The following COL21A1 variants were observed in gnomAD, a reference collection of about 807,000 sequenced individuals.
The protein encoded by COL21A1 is collagen type XXI alpha 1 chain, also known as collagen alpha-1(XXI) chain.
A neutral mutation model predicts 137.9 loss-of-function variants in COL21A1; 149 were observed. The observed-to-expected ratio is 1.08, with a 90% CI of 0.95 to 1.24. The LOEUF is 1.24. Ranked by LOEUF, COL21A1 falls within the 50% of genes most tolerant of loss-of-function variation. The probability of loss-of-function intolerance (pLI) is 0.00; values close to 1 mark genes in which losing one functional copy is unlikely to be tolerated. For missense variants in COL21A1, 1,167 were observed against 1,158.4 expected, an observed-to-expected ratio of 1.01 and a Z score of -0.11; for synonymous variants, 456 against 391.5, an observed-to-expected ratio of 1.16 and a Z score of -1.95.
At chr6:56,191,647 T>C (rs1011605971) in intron 1 of COL21A1, among the ~76,000 whole-genome samples, 1 of 148,288 alleles carries the variant, frequency 6.7e-6, no homozygotes, top group Non-Finnish European at 1.5e-5. Context: ...CCATTCACTA[T>C]TGCTACAAAG....
intron 17 of COL21A1, among the ~76,000 whole-genome samples, chr6:56,098,699 A>T (rs1298886581): frequency 1.2e-5 from 1 of 85,362 alleles, no homozygotes. Context: ...ATATATAAAT[A>T]TATATATAAA....
At chr6:56,108,109 T>C (rs1265570057) in intron 16 of COL21A1, among the ~76,000 whole-genome samples, 1 of 151,822 alleles carries the variant, frequency 6.6e-6, no homozygotes. Context: ...ACCACTAAAA[T>C]AAAAATATAA....
Position 56,057,668 on chromosome 6 carries a change from G to C in COL21A1, c.2863C>G (p.Pro955Ala). The change falls in exon 30 of 30, where the codon CCA becomes GCA. Residue 955 changes from proline (P) to alanine (A), a missense_variant. Coordinates refer to ENST00000244728, the MANE Select transcript of COL21A1 (RefSeq NM_030820.4). Reference protein sequence around the residue: ...IARRDPFRKGPNY With the variant: ...IARRDPFRKGANY ...TGAGGCATCAGACACTAATAGTTTG[G>C]TCCTTTTCTGAACGGATCTCTTCTG... 1 of 1,612,962 alleles carries C rather than the reference G, an allele frequency of 6.2e-7. No homozygotes were observed. Among genetic ancestry groups the C allele is most frequent in the Non-Finnish European group, 8.5e-7 (1 of 1,179,538 alleles).
chr6:56,297,598 T>G (rs1764191969), intron 1 of COL21A1, among the ~76,000 whole-genome samples: 1 of 152,182 alleles, frequency 6.6e-6, no homozygotes, highest in Non-Finnish European at 1.5e-5. Context: ...TTTGGCTTCA[T>G]GAGCAACTGG....
rs927314574 is a variant in COL21A1, at chr6:56,057,474, T to A, written c.*183A>T. The stretch of plus-strand genomic sequence containing the variant: ...ATGCTGCTAATCCAAGGGCTCCAAA[T>A]GACTGAGGAGCCTTTAAAATCAGTA... On this transcript the variant is annotated 3_prime_UTR_variant, in exon 30 of 30. Transcript: ENST00000244728. The A allele has an allele frequency of 2.0e-5, 12 of 613,822 alleles. No homozygotes were observed. Among genetic ancestry groups the A allele is most frequent in the Non-Finnish European group, 3.4e-5 (12 of 355,616 alleles). The allele number at this position is 613,822 out of a possible 1,614,324, so 38.0% of individuals were successfully genotyped here.
chr6:56,276,884 T>C lies in COL21A1; in HGVS notation c.-38-94228A>G, dbSNP rs576572464. The stretch of plus-strand genomic sequence containing the variant: ...AGTGCAGTGACGCGGTCCAGCTCAC[T>C]GCAAGCTCTGCCTCCCGGGTTCACG... On this transcript the variant is annotated intron_variant, in intron 1 of 28. Coordinates refer to the COL21A1 transcript ENST00000370819. 3.7e-4 allele frequency: 186 copies of C among 500,160 alleles called. No individual in the cohort carries two copies. In the East Asian group the frequency reaches 5.3e-3, roughly 14 times the overall value. 31.0% of individuals were successfully genotyped at this position (500,160 alleles called of 1,614,324 possible). A position where few individuals can be genotyped will look rare whatever the true frequency, so the allele number is the denominator to read the frequency against.
chr6:56,264,747 C>T (rs1341999234), intron 1 of COL21A1, among the ~76,000 whole-genome samples: 4 of 152,150 alleles, frequency 2.6e-5, no homozygotes, highest in Admixed American at 2.6e-4. Context: ...TTCTCCTGTA[C>T]ACCCTAAATT....
chr6:56,150,156 A>G (rs1402372621), intron 10 of COL21A1, among the ~76,000 whole-genome samples: 1 of 152,014 alleles, frequency 6.6e-6, no homozygotes, highest in Non-Finnish European at 1.5e-5. Flanking sequence ...TCATATTTCT[A>G]TGAGGTTTAA....
Position 56,064,995 on chromosome 6 carries a change from G to A in COL21A1, c.2128-373C>T, listed in dbSNP as rs189845802. On this transcript the variant is annotated intron_variant, in intron 23 of 29. Transcript: ENST00000244728. ...GCAATTATGTTCATTGTTGACTATGGACATGTGAGGACAAGAAGATCTCTT... is the reference window on the plus strand; with the variant it reads ...GCAATTATGTTCATTGTTGACTATGAACATGTGAGGACAAGAAGATCTCTT... Among the ~76,000 whole-genome samples, 70 of 151,922 alleles carry A rather than the reference G, an allele frequency of 4.6e-4. 2 individuals are homozygous for A. The East Asian group carries it at 0.013, about 28-fold the overall frequency.
At chr6:56,313,264 G>A (rs1257174075) in intron 1 of COL21A1, among the ~76,000 whole-genome samples, 1 of 151,968 alleles carries the variant, frequency 6.6e-6, no homozygotes, top group African/African-American at 2.4e-5. Flanking sequence ...AAAAAGATAG[G>A]GATGGAGCAG....
At chr6:56,307,801 T>C (rs1243927569) in intron 1 of COL21A1, among the ~76,000 whole-genome samples, 1 of 152,116 alleles carries the variant, frequency 6.6e-6, no homozygotes, top group African/African-American at 2.4e-5. Flanking sequence ...AAATCACCCG[T>C]CTTCTGCGTC....
intron 1 of COL21A1, among the ~76,000 whole-genome samples, chr6:56,253,384 G>C (rs960842502): frequency 2.3e-4 from 35 of 152,264 alleles, no homozygotes; most frequent in Admixed American, 2.1e-3. Context: ...GCCAGTTAGA[G>C]GTCTCTCCAG....
chr6:56,116,438 T>G (rs1160152825), intron 16 of COL21A1, among the ~76,000 whole-genome samples: 2 of 139,032 alleles, frequency 1.4e-5, no homozygotes, highest in South Asian at 2.3e-4. Context: ...TACCCTAGTA[T>G]AGTATATCCA....
chr6:56,121,270 G>T (rs952414407), intron 16 of COL21A1, among the ~76,000 whole-genome samples: 3 of 151,784 alleles, frequency 2.0e-5, no homozygotes, highest in Non-Finnish European at 4.4e-5. Flanking sequence ...ATTCTTAAGA[G>T]CAAGAAGCCA....
At chr6:56,290,403 T>C (rs1764011131) in intron 1 of COL21A1, among the ~76,000 whole-genome samples, 1 of 151,710 alleles carries the variant, frequency 6.6e-6, no homozygotes, top group South Asian at 2.1e-4. Context: ...CATTGCCAAG[T>C]GTCCCCTCAG....
intron 16 of COL21A1, among the ~76,000 whole-genome samples, chr6:56,110,718 CTATT>C (rs1561874123): frequency 6.6e-6 from 1 of 151,852 alleles, no homozygotes; most frequent in Non-Finnish European, 1.5e-5. Flanking sequence ...TTTTCAAAGT[CTATT>C]TATGAGTATG....
rs538369254 is a variant in COL21A1 at position 56,179,916 on chromosome 6, G to A, written c.302C>T (p.Thr101Met). 8.7e-6 allele frequency: 14 copies of A among 1,613,794 alleles called. No individual in the cohort carries two copies. Among genetic ancestry groups the A allele is most frequent in the Middle Eastern group, 1.6e-4 (1 of 6,062 alleles). The change falls in exon 3 of 30, where the codon ACG becomes ATG. Residue 101 changes from threonine to methionine, a missense_variant. Coordinates refer to ENST00000244728, the MANE Select transcript of COL21A1 (RefSeq NM_030820.4). ...GTAGAGTATGGATTCCACTGCTGCC[G>A]TCAAATGTTCTCCTGAATCATAGCT... ...LGSYDSGEHL[T>M]AAVESILYLG...
intron 17 of COL21A1, among the ~76,000 whole-genome samples, chr6:56,089,176 G>T (rs1768552068): frequency 6.6e-6 from 1 of 152,114 alleles, no homozygotes; most frequent in African/African-American, 2.4e-5. Flanking sequence ...ATTTTAAGCT[G>T]ATACCTGCAA....
At chr6:56,173,774 T>C (rs1285780131) in intron 3 of COL21A1, among the ~76,000 whole-genome samples, 1 of 152,016 alleles carries the variant, frequency 6.6e-6, no homozygotes, top group Non-Finnish European at 1.5e-5. Flanking sequence ...ATTTCAATAA[T>C]GATTAGAACA....
Sources: allele counts gnomAD v4.1 joint callset (sites outside exome capture counted in the v4.1 genomes callset), GRCh38; gene constraint gnomAD v4.1.1; transcripts MANE v1.5; gene names NCBI Gene and HGNC (gene_info 2026-07-23, HGNC 2026-07-21).